DIAPH2: variants seen among roughly 807,000 people sequenced by gnomAD.
DIAPH2 encodes the protein diaphanous related formin 2.
DIAPH2 carries 35 observed loss-of-function variants against 92.7 expected under a neutral mutation model. The observed-to-expected ratio is 0.38, with a 90% CI of 0.29 to 0.50. The LOEUF (loss-of-function observed/expected upper bound fraction) is 0.50, where lower values mean the gene tolerates loss of function less well. Among genes scored for constraint, DIAPH2 ranks in the 20% least tolerant of loss-of-function variants. DIAPH2 has a pLI of 0.94. For missense variants in DIAPH2, 701 were observed against 819.5 expected, an observed-to-expected ratio of 0.86 and a Z score of 1.77; for synonymous variants, 301 against 280.4, an observed-to-expected ratio of 1.07 and a Z score of -0.73.
intron 8 of DIAPH2, among the ~76,000 whole-genome samples, chrX:96,917,004 A>G (rs1329022389): frequency 9.0e-6 from 1 of 111,680 alleles, no homozygotes; most frequent in Non-Finnish European, 1.9e-5. Flanking sequence ...GTAAATGAAA[A>G]TTATTTGTAA....
At chrX:97,352,045 A>C (rs1446822983) in intron 24 of DIAPH2, among the ~76,000 whole-genome samples, 2 of 110,959 alleles carry the variant, frequency 1.8e-5, no homozygotes, top group South Asian at 3.8e-4. Context: ...TGTAATCGCC[A>C]GAAGTTCCCA....
At chrX:96,890,572 C>T (rs1422289511) in intron 5 of DIAPH2, among the ~76,000 whole-genome samples, 1 of 111,401 alleles carries the variant, frequency 9.0e-6, no homozygotes, top group Non-Finnish European at 1.9e-5. Flanking sequence ...TAATTCTCCT[C>T]CCTACCACAG....
chrX:96,815,355 C>T (rs373461773), intron 4 of DIAPH2, among the ~76,000 whole-genome samples: 19 of 111,639 alleles, frequency 1.7e-4, no homozygotes, highest in African/African-American at 3.3e-4. Flanking sequence ...ATAATCTTCT[C>T]GTGTGCTGTT....
chrX:97,057,594 G>A (rs997230084), intron 17 of DIAPH2, among the ~76,000 whole-genome samples: 1 of 111,748 alleles, frequency 8.9e-6, no homozygotes, highest in African/African-American at 3.3e-5. Flanking sequence ...AGGTAATTGG[G>A]TGACAGCCAG....
At chrX:97,394,702 A>G (rs187496314) in intron 25 of DIAPH2, among the ~76,000 whole-genome samples, 2 of 111,919 alleles carry the variant, frequency 1.8e-5, no homozygotes, top group African/African-American at 6.5e-5. Flanking sequence ...TTCAGTCAAC[A>G]TTTGTTGAAT....
intron 26 of DIAPH2, among the ~76,000 whole-genome samples, chrX:97,470,053 A>T (rs2070549349): frequency 8.9e-6 from 1 of 111,828 alleles, no homozygotes; most frequent in Non-Finnish European, 1.9e-5. Context: ...CCAGGCATTA[A>T]GTGGGATACA....
At chrX:97,191,880 T>C (rs747956293) in intron 22 of DIAPH2, among the ~76,000 whole-genome samples, 1 of 111,094 alleles carries the variant, frequency 9.0e-6, no homozygotes, top group East Asian at 2.8e-4. Flanking sequence ...ACTCTAATCA[T>C]CTCAAAAGGA....
At chrX:96,728,967 A>G (rs2064038339) in intron 1 of DIAPH2, among the ~76,000 whole-genome samples, 1 of 112,324 alleles carries the variant, frequency 8.9e-6, no homozygotes, top group African/African-American at 3.2e-5. Flanking sequence ...TCCTGATGAC[A>G]TGTGCCCAAG....
intron 19 of DIAPH2, among the ~76,000 whole-genome samples, chrX:97,077,977 T>C (rs1319953759): frequency 2.7e-5 from 3 of 111,914 alleles, no homozygotes; most frequent in African/African-American, 9.7e-5. Flanking sequence ...ATCATTATTC[T>C]AGCCTTCAAA....
intron 17 of DIAPH2, among the ~76,000 whole-genome samples, chrX:96,978,462 G>A (rs756345563): frequency 2.3e-4 from 25 of 109,512 alleles, no homozygotes; most frequent in African/African-American, 8.0e-4. Flanking sequence ...TTGTTATTAG[G>A]TGTCTGGCAA....
At chrX:97,475,238 A>G (rs756770609) in intron 26 of DIAPH2, among the ~76,000 whole-genome samples, 10 of 111,909 alleles carry the variant, frequency 8.9e-5, no homozygotes, top group East Asian at 2.8e-4. Context: ...CAATTGCCCT[A>G]TAGAAAATGG....
intron 1 of DIAPH2, among the ~76,000 whole-genome samples, chrX:96,686,300 TA>T (rs1472683521): frequency 9.0e-6 from 1 of 111,584 alleles, no homozygotes; most frequent in Non-Finnish European, 1.9e-5. Flanking sequence ...AATCAGTGAT[TA>T]AAAATTTAAG....
intron 5 of DIAPH2, among the ~76,000 whole-genome samples, chrX:96,887,772 T>C (rs2065273466): frequency 8.9e-6 from 1 of 112,058 alleles, no homozygotes; most frequent in Admixed American, 9.5e-5. Context: ...ATTATGTTTG[T>C]TCCTGAAACC....
At chrX:97,013,827 G>A (rs1276450321) in intron 17 of DIAPH2, among the ~76,000 whole-genome samples, 1 of 111,870 alleles carries the variant, frequency 8.9e-6, no homozygotes, top group Non-Finnish European at 1.9e-5. Context: ...AGGGGCATGA[G>A]CTATATGACT....
chrX:97,216,017 C>T (rs377656925), intron 22 of DIAPH2, among the ~76,000 whole-genome samples: 3 of 112,023 alleles, frequency 2.7e-5, no homozygotes, highest in Non-Finnish European at 3.8e-5. Context: ...ACTTATTCAC[C>T]GGCCTCAACT....
At chrX:97,409,248 G>T (rs887999541) in intron 25 of DIAPH2, among the ~76,000 whole-genome samples, 5 of 111,839 alleles carry the variant, frequency 4.5e-5, no homozygotes, top group Non-Finnish European at 7.5e-5. Context: ...GTCATTAGGG[G>T]TATGGTTGGG....
At chrX:97,382,362 G>T (rs377329472) in intron 24 of DIAPH2, among the ~76,000 whole-genome samples, 1 of 112,032 alleles carries the variant, frequency 8.9e-6, no homozygotes, top group Non-Finnish European at 1.9e-5. Context: ...AGGCCAAGCC[G>T]GGCTTATCAC....
intron 4 of DIAPH2, among the ~76,000 whole-genome samples, chrX:96,879,109 A>T (rs964875845): frequency 8.9e-6 from 1 of 112,281 alleles, no homozygotes; most frequent in African/African-American, 3.2e-5. Flanking sequence ...GAATCCTGTC[A>T]TAAGAGCTTA....
At chrX:97,321,933 A>T (rs1183087789) in intron 23 of DIAPH2, among the ~76,000 whole-genome samples, 1 of 112,080 alleles carries the variant, frequency 8.9e-6, no homozygotes, top group Non-Finnish European at 1.9e-5. Flanking sequence ...AACTGTTTTG[A>T]TTTCAGGCAT....
Sources: gnomAD v4.1 joint callset for allele counts (sites outside exome capture counted in the v4.1 genomes callset) on GRCh38, gnomAD v4.1.1 for gene constraint, MANE v1.5 for transcripts, NCBI Gene and HGNC (gene_info 2026-07-23, HGNC 2026-07-21) for gene names.